The following BAZ1B variants were observed in gnomAD, a reference collection of about 807,000 sequenced individuals.
The protein encoded by BAZ1B is tyrosine-protein kinase BAZ1B.
A neutral mutation model predicts 153.8 loss-of-function variants in BAZ1B; 22 were observed. The ratio of observed to expected loss-of-function variants is 0.14; its 90% CI spans 0.10 to 0.20. BAZ1B has a LOEUF of 0.20. Among genes scored for constraint, BAZ1B ranks in the 10% least tolerant of loss-of-function variants. The pLI is 1.00. For missense variants in BAZ1B, 1,325 were observed against 1,799.3 expected (o/e 0.74, Z 4.77); for synonymous variants, 676 against 633.4 (o/e 1.07, Z -1.01).
intron 4 of BAZ1B, among the ~76,000 whole-genome samples, chr7:73,497,350 G>T (rs1288320306): frequency 6.6e-6 from 1 of 152,112 alleles, no homozygotes; most frequent in Non-Finnish European, 1.5e-5. Context: ...AGGTCATTAG[G>T]AAATGATTAC....
intron 5 of BAZ1B, among the ~76,000 whole-genome samples, chr7:73,490,766 C>T (rs527404636): frequency 2.0e-3 from 298 of 151,656 alleles, no homozygotes; most frequent in African/African-American, 6.8e-3. Context: ...CCACCACGCC[C>T]GGCTAATTTT....
intron 1 of BAZ1B, among the ~76,000 whole-genome samples, chr7:73,512,341 G>T (rs773666721): frequency 6.6e-5 from 10 of 151,076 alleles, no homozygotes; most frequent in Non-Finnish European, 1.3e-4. Context: ...TAGTGTTAGT[G>T]TATTTTATGT....
chr7:73,452,307 AT>A (rs1157561688), intron 13 of BAZ1B, among the ~76,000 whole-genome samples: 1 of 152,154 alleles, frequency 6.6e-6, no homozygotes, highest in African/African-American at 2.4e-5. Flanking sequence ...TTGAATAGAC[AT>A]TGCACATGCT....
At chr7:73,447,190 C>G in intron 16 of BAZ1B, 74 bp downstream of exon 16, 1 of 1,611,046 alleles carries the variant, frequency 6.2e-7, no homozygotes, top group South Asian at 1.1e-5. Context: ...CTACCTACTG[C>G]CAAGCCAGCC....
rs1583878209 is a variant in BAZ1B, at chr7:73,441,620, A to T, written c.*89T>A. 3 of 152,900 alleles carry T rather than the reference A, an allele frequency of 2.0e-5. No individual in the cohort carries two copies. The South Asian group carries it at 6.2e-4, about 32-fold the overall frequency. The allele number at this position is 152,900 out of a possible 1,614,324, so 9.5% of individuals were successfully genotyped here. Reference sequence around the variant, plus strand: ...CACGTCCCTTTACTCTGCCAAGATCAACTCAAAAGACCACAACTGTTTCAT... The same window carrying T: ...CACGTCCCTTTACTCTGCCAAGATCTACTCAAAAGACCACAACTGTTTCAT... On this transcript the variant is annotated 3_prime_UTR_variant, in exon 20 of 20. Coordinates refer to ENST00000339594, the MANE Select transcript of BAZ1B (RefSeq NM_032408.4).
intron 4 of BAZ1B, among the ~76,000 whole-genome samples, chr7:73,493,846 A>AAC (rs1789758453): frequency 6.6e-6 from 1 of 151,816 alleles, no homozygotes; most frequent in Admixed American, 6.6e-5. Flanking sequence ...CTCCAAAAAA[A>AAC]AAAAAAAAAA....
At chr7:73,443,956 T>A in intron 17 of BAZ1B, 28 bp downstream of exon 17, 1 of 1,612,876 alleles carries the variant, frequency 6.2e-7, no homozygotes, top group Non-Finnish European at 8.5e-7. Context: ...ACAGAAAGGT[T>A]AGAGAAGGGA....
intron 3 of BAZ1B, among the ~76,000 whole-genome samples, chr7:73,503,076 C>T (rs1392440939): frequency 6.6e-6 from 1 of 152,154 alleles, no homozygotes; most frequent in East Asian, 1.9e-4. Context: ...AATATACTTA[C>T]ACAGATTTCC....
chr7:73,450,815 T>C lies in BAZ1B; in HGVS notation c.3580+32A>G, dbSNP rs782537133. ...GGAATAGAAATCCTACTCCCTAATA[T>C]ACCCACATAAGCAAATTTGATTTAA... On this transcript the variant is annotated intron_variant, in intron 14 of 19. Transcript: ENST00000339594. This position sits in a 1 kb window ranked among gnomAD's most constrained non-coding sequence, Gnocchi z 4.1. The C allele has an allele frequency of 2.5e-6, 4 of 1,610,520 alleles. No individual in the cohort carries two copies. Among genetic ancestry groups the C allele is most frequent in the African/African-American group, 2.7e-5 (2 of 74,832 alleles).
Position 73,489,361 on chromosome 7 carries a change from T to A in BAZ1B, c.724A>T (p.Ile242Phe). ...TTATTTGGTGGGCGCTCTGTACGAA[T>A]CAAGCTGTCTGCTGGCACGTTACTG... ...IISNVPADSL[I>F]RTERPPNKEI... Residue 242 changes from isoleucine (I) to phenylalanine (F), a missense_variant, in exon 6 of 20, where the codon ATT becomes TTT. Ile to Phe is a conservative substitution (Grantham distance 21, BLOSUM62 0). Coordinates refer to ENST00000339594, the MANE Select transcript of BAZ1B (RefSeq NM_032408.4). 1 of 1,614,148 alleles carries A rather than the reference T, an allele frequency of 6.2e-7. No homozygotes were observed. The highest frequency in any genetic ancestry group is 8.5e-7 in the Non-Finnish European group (1 of 1,180,026).
At chr7:73,505,044 C>T (rs990873254) in intron 3 of BAZ1B, among the ~76,000 whole-genome samples, 1 of 152,084 alleles carries the variant, frequency 6.6e-6, no homozygotes, top group African/African-American at 2.4e-5. Flanking sequence ...CAAGCTATTC[C>T]CTCCCTCTTC....
At chr7:73,443,852 C>A (rs1787721477) in intron 17 of BAZ1B, 132 bp downstream of exon 17, 1 of 1,397,046 alleles carries the variant, frequency 7.2e-7, no homozygotes, top group African/African-American at 1.4e-5. Flanking sequence ...TCTGCCTCCC[C>A]AGCCTCCCAA....
At chr7:73,513,666 G>A (rs1554578877) in intron 1 of BAZ1B, among the ~76,000 whole-genome samples, 1 of 152,286 alleles carries the variant, frequency 6.6e-6, no homozygotes, top group East Asian at 1.9e-4. Flanking sequence ...AATAAGGACA[G>A]AGGAGGAATC....
In BAZ1B at chr7:73,450,404, C is replaced by T. The variant is rs114513306; in HGVS notation, c.3580+443G>A. Reference sequence around the variant, plus strand: ...GAAAATAACTCTAGCCACTGAAAAGCCAATCAGCAAGGGGCTTCTAACCAT... The same window carrying T: ...GAAAATAACTCTAGCCACTGAAAAGTCAATCAGCAAGGGGCTTCTAACCAT... On this transcript the variant is annotated intron_variant, in intron 14 of 19. Transcript: ENST00000339594. This position sits in a 1 kb window ranked among gnomAD's most constrained non-coding sequence, Gnocchi z 4.1. Among the ~76,000 whole-genome samples the T allele has an allele frequency of 4.3e-3, 656 of 152,252 alleles. 4 individuals carry two copies. The highest frequency in any genetic ancestry group is 0.014 in the African/African-American group (588 of 41,546).
Position 73,518,464 on chromosome 7 carries a change from G to C in BAZ1B, c.107+3363C>G, listed in dbSNP as rs187600892. Among the ~76,000 whole-genome samples, 345 of 151,858 alleles carry C rather than the reference G, an allele frequency of 2.3e-3. 2 individuals carry two copies. The highest frequency in any genetic ancestry group is 7.8e-3 in the African/African-American group (323 of 41,440). ...AATAAAAATAAAAATAAAAATCAAC[G>C]TAAGAGCTCAGTATTCCAAATGTCC... On this transcript the variant is annotated intron_variant, in intron 1 of 19. Coordinates refer to ENST00000339594, the MANE Select transcript of BAZ1B (RefSeq NM_032408.4).
At chr7:73,456,678 A>T (rs1294630602) in intron 13 of BAZ1B, among the ~76,000 whole-genome samples, 1 of 152,156 alleles carries the variant, frequency 6.6e-6, no homozygotes, top group Non-Finnish European at 1.5e-5. Flanking sequence ...GTGGTGGCTG[A>T]GGCCTATAAT....
intron 1 of BAZ1B, among the ~76,000 whole-genome samples, chr7:73,514,393 C>T (rs1554578967): frequency 1.3e-5 from 2 of 152,000 alleles, no homozygotes; most frequent in Admixed American, 6.6e-5. Flanking sequence ...ATTAGCCAGG[C>T]GTGGTGGCGT....
At chr7:73,483,016 A>G (rs571444358) in intron 6 of BAZ1B, among the ~76,000 whole-genome samples, 2 of 152,342 alleles carry the variant, frequency 1.3e-5, no homozygotes, top group East Asian at 3.9e-4. Context: ...TCCCCCACTC[A>G]GCACAGTTAA....
intron 13 of BAZ1B, among the ~76,000 whole-genome samples, chr7:73,459,163 G>A (rs11983423): frequency 0.049 from 7,411 of 151,656 alleles, 207 homozygotes; most frequent in Non-Finnish European, 0.066. Flanking sequence ...CAGGAGAATC[G>A]CTTGAACCTG....
Sources: allele counts gnomAD v4.1 joint callset (sites outside exome capture counted in the v4.1 genomes callset), GRCh38; gene constraint gnomAD v4.1.1; non-coding constraint Gnocchi (gnomAD v3.1); transcripts MANE v1.5; gene names NCBI Gene and HGNC (gene_info 2026-07-23, HGNC 2026-07-21).